LRRTM4: variants seen among roughly 807,000 people sequenced by gnomAD.
The protein encoded by LRRTM4 is leucine rich repeat transmembrane neuronal 4.
LRRTM4 carries 25 observed loss-of-function variants against 47.6 expected under a neutral mutation model. That is an observed-to-expected ratio of 0.53 (90% CI 0.38 to 0.73). The LOEUF is 0.73. Among genes scored for constraint, LRRTM4 ranks in the 30% least tolerant of loss-of-function variants. The pLI is 0.00. For missense variants in LRRTM4, 638 were observed against 713.4 expected (o/e 0.89, Z 1.20); for synonymous variants, 311 against 269.5 (o/e 1.15, Z -1.51).
chr2:77,515,159 T>C (rs1020264540), intron 3 of LRRTM4, among the ~76,000 whole-genome samples: 7 of 151,820 alleles, frequency 4.6e-5, no homozygotes, highest in African/African-American at 1.7e-4. Context: ...ATACTTGTGC[T>C]ATAATTCATA....
At chr2:77,100,990 C>T (rs1572962975) in intron 3 of LRRTM4, among the ~76,000 whole-genome samples, 1 of 151,916 alleles carries the variant, frequency 6.6e-6, no homozygotes. Flanking sequence ...CACCCACCAC[C>T]ATGCCCAGCT....
intron 3 of LRRTM4, among the ~76,000 whole-genome samples, chr2:77,397,768 T>C (rs982338055): frequency 2.0e-5 from 3 of 151,862 alleles, no homozygotes; most frequent in African/African-American, 7.2e-5. Flanking sequence ...ATCAGTAAAT[T>C]TAAAAAGTGA....
At chr2:77,349,424 A>G (rs1671680627) in intron 3 of LRRTM4, among the ~76,000 whole-genome samples, 1 of 152,050 alleles carries the variant, frequency 6.6e-6, no homozygotes, top group Non-Finnish European at 1.5e-5. Flanking sequence ...ATCTTTTTGT[A>G]AAACATAAAT....
intron 3 of LRRTM4, among the ~76,000 whole-genome samples, chr2:76,877,799 G>A (rs1338135518): frequency 6.6e-6 from 1 of 152,116 alleles, no homozygotes; most frequent in Non-Finnish European, 1.5e-5. Context: ...AAAAGCTACA[G>A]GGATGAAAAA....
At position 76,777,334 on chromosome 2, in the gene LRRTM4, G is replaced by A. The variant is rs1439534931; in HGVS notation, c.1552-28418C>T. Among the ~76,000 whole-genome samples, 133 of 141,492 alleles carry A rather than the reference G, an allele frequency of 9.4e-4. 1 individual carries two copies. The highest frequency in any genetic ancestry group is 3.2e-3 in the African/African-American group (123 of 37,984). 92.8% of individuals were successfully genotyped at this position (141,492 alleles called of 152,430 possible). A position where few individuals can be genotyped will look rare whatever the true frequency, so the allele number is the denominator to read the frequency against. Reference sequence around the variant, plus strand: ...GCTTGATGGGGATGGCATTGAATCTGTAAATTACCTTGGGCAGTATGGCCA... The same window carrying A: ...GCTTGATGGGGATGGCATTGAATCTATAAATTACCTTGGGCAGTATGGCCA... On this transcript the variant is annotated intron_variant, in intron 3 of 3. Coordinates refer to ENST00000409884, the MANE Select transcript of LRRTM4 (RefSeq NM_001134745.3).
chr2:77,130,446 A>C (rs2103973839), intron 3 of LRRTM4, among the ~76,000 whole-genome samples: 1 of 152,226 alleles, frequency 6.6e-6, no homozygotes, highest in African/African-American at 2.4e-5. Context: ...TTTTTGAAGA[A>C]ATTTCCATAG....
chr2:77,473,930 A>G (rs772887928), intron 3 of LRRTM4, among the ~76,000 whole-genome samples: 40 of 152,138 alleles, frequency 2.6e-4, no homozygotes, highest in Admixed American at 9.2e-4. Context: ...TTGCTCAATT[A>G]GTCCTGGCAA....
chr2:76,797,045 G>A (rs944903601), intron 3 of LRRTM4, among the ~76,000 whole-genome samples: 2 of 152,092 alleles, frequency 1.3e-5, no homozygotes, highest in African/African-American at 4.8e-5. Context: ...CACTCTGCAG[G>A]ATATTATCCA....
Position 77,181,849 on chromosome 2 carries a change from T to C in LRRTM4, c.1551+336469A>G, listed in dbSNP as rs79398666. On this transcript the variant is annotated intron_variant, in intron 3 of 3. Transcript: ENST00000409884. The stretch of plus-strand genomic sequence containing the variant: ...TCAACCTCACTGATCACTAGAGAAA[T>C]GCAAATCAAAACCACAATGAGATAC... 9.0e-3 allele frequency among the ~76,000 whole-genome samples: 1,375 copies of C among 152,142 alleles called. 30 individuals are homozygous for C. The highest frequency in any genetic ancestry group is 0.032 in the African/African-American group (1,314 of 41,500).
chr2:77,469,543 A>G (rs1285405381), intron 3 of LRRTM4, among the ~76,000 whole-genome samples: 1 of 152,196 alleles, frequency 6.6e-6, no homozygotes, highest in African/African-American at 2.4e-5. Context: ...TATGCAAATG[A>G]GAAAGCCAAA....
chr2:77,514,649 A>G (rs1047844743), intron 3 of LRRTM4, among the ~76,000 whole-genome samples: 10 of 152,010 alleles, frequency 6.6e-5, no homozygotes, highest in Non-Finnish European at 1.5e-5. Context: ...CAATTACTTA[A>G]CTATTGAAAC....
chr2:77,181,146 T>C lies in LRRTM4; in HGVS notation c.1551+337172A>G, dbSNP rs540265351. On this transcript the variant is annotated intron_variant, in intron 3 of 3. Transcript: ENST00000409884. The stretch of plus-strand genomic sequence containing the variant: ...CTAGACAAATGTTTTGAGAAGTGTC[T>C]GTAAACAATACTACAGGTAAGACTG... 2.0e-5 allele frequency among the ~76,000 whole-genome samples: 3 copies of C among 152,290 alleles called. 1 individual carries two copies. In the South Asian group the frequency reaches 6.2e-4, roughly 32 times the overall value.
intron 3 of LRRTM4, among the ~76,000 whole-genome samples, chr2:76,845,322 C>T (rs1010226043): frequency 1.2e-4 from 18 of 152,104 alleles, no homozygotes; most frequent in Non-Finnish European, 2.2e-4. Context: ...GAAACCCCGT[C>T]TCTACTAAAA....
chr2:77,365,046 A>T (rs978365869), intron 3 of LRRTM4, among the ~76,000 whole-genome samples: 15 of 152,176 alleles, frequency 9.9e-5, no homozygotes, highest in African/African-American at 3.6e-4. Context: ...TTCTATCTTC[A>T]GGGTAGAAGT....
At chr2:77,051,214 C>T (rs1679421271) in intron 3 of LRRTM4, among the ~76,000 whole-genome samples, 1 of 151,844 alleles carries the variant, frequency 6.6e-6, no homozygotes, top group Non-Finnish European at 1.5e-5. Context: ...AAAACAGCTT[C>T]ACACAACAAA....
At chr2:76,901,521 C>T (rs543932646) in intron 3 of LRRTM4, among the ~76,000 whole-genome samples, 13 of 152,082 alleles carry the variant, frequency 8.5e-5, no homozygotes, top group African/African-American at 2.9e-4. Flanking sequence ...TCTTCATTCC[C>T]GCCCATTTTG....
intron 3 of LRRTM4, among the ~76,000 whole-genome samples, chr2:77,509,528 T>C (rs1434841765): frequency 2.0e-5 from 3 of 152,102 alleles, no homozygotes; most frequent in Non-Finnish European, 4.4e-5. Context: ...TATTATTCAC[T>C]TTACTAAAAA....
intron 3 of LRRTM4, among the ~76,000 whole-genome samples, chr2:77,329,386 T>C (rs1294066131): frequency 6.6e-6 from 1 of 152,176 alleles, no homozygotes; most frequent in Non-Finnish European, 1.5e-5. Flanking sequence ...GTAAATATGG[T>C]TTTGGATGGC....
At chr2:77,042,139 A>G (rs539641248) in intron 3 of LRRTM4, among the ~76,000 whole-genome samples, 5 of 151,706 alleles carry the variant, frequency 3.3e-5, no homozygotes, top group African/African-American at 1.2e-4. Context: ...TAATAGTATT[A>G]TATCACTCTT....
Sources: allele counts gnomAD v4.1 joint callset (sites outside exome capture counted in the v4.1 genomes callset), GRCh38; gene constraint gnomAD v4.1.1; transcripts MANE v1.5; gene names NCBI Gene and HGNC (gene_info 2026-07-23, HGNC 2026-07-21).